Variants in SPIRE1 observed in about 807,000 individuals in gnomAD.
SPIRE1 encodes spire type actin nucleation factor 1.
In SPIRE1, 40 loss-of-function variants were observed where a neutral mutation model predicts 94.1. That is an observed-to-expected ratio of 0.43 (90% CI 0.33 to 0.55). SPIRE1 has a LOEUF of 0.55. SPIRE1 is among the 20% of genes least tolerant of loss of function. The pLI, the probability that SPIRE1 is intolerant of heterozygous loss-of-function variation, is 0.06. For missense variants in SPIRE1, 838 were observed against 975.2 expected (o/e 0.86, Z 1.87); for synonymous variants, 376 against 371.7 (o/e 1.01, Z -0.13).
At chr18:12,631,915 T>G (rs1485565833) in intron 2 of SPIRE1, among the ~76,000 whole-genome samples, 1 of 151,938 alleles carries the variant, frequency 6.6e-6, no homozygotes, top group Admixed American at 6.6e-5. Context: ...TGTGGTGACA[T>G]GCACCTGTAG....
chr18:12,487,021 G>A (rs1207433561), intron 8 of SPIRE1, among the ~76,000 whole-genome samples: 10 of 151,962 alleles, frequency 6.6e-5, no homozygotes, highest in African/African-American at 1.7e-4. Flanking sequence ...CCTGGCTACC[G>A]TTTGTATTTT....
intron 10 of SPIRE1, among the ~76,000 whole-genome samples, chr18:12,473,846 G>C (rs957035682): frequency 3.3e-5 from 5 of 152,224 alleles, no homozygotes; most frequent in African/African-American, 1.2e-4. Flanking sequence ...GCAATGTGTG[G>C]TAAGAAGTTT....
chr18:12,523,784 A>G (rs2034428417), intron 4 of SPIRE1, among the ~76,000 whole-genome samples: 1 of 152,190 alleles, frequency 6.6e-6, no homozygotes, highest in African/African-American at 2.4e-5. Context: ...CCCAGGCTCA[A>G]GCAATCCTCC....
At chr18:12,535,324 C>T in intron 4 of SPIRE1, 152 bp downstream of exon 4, 1 of 732,600 alleles carries the variant, frequency 1.4e-6, no homozygotes, top group Non-Finnish European at 2.1e-6. Context: ...TGCTTCTTTC[C>T]TAAATGACTT....
intron 2 of SPIRE1, among the ~76,000 whole-genome samples, chr18:12,610,332 C>A (rs1414039672): frequency 6.6e-6 from 1 of 152,086 alleles, no homozygotes; most frequent in African/African-American, 2.4e-5. Flanking sequence ...CAGCCTCCAC[C>A]TATCTTTCTA....
Position 12,449,292 on chromosome 18 carries a change from T to C in SPIRE1, c.*346A>G, listed in dbSNP as rs919926215. The C allele has an allele frequency of 1.8e-5, 5 of 280,138 alleles. No homozygotes were observed. The highest frequency in any genetic ancestry group is 8.9e-5 in the African/African-American group (4 of 44,922). The allele number at this position is 280,138 out of a possible 1,614,324, so 17.4% of individuals were successfully genotyped here. A position where few individuals can be genotyped will look rare whatever the true frequency, so the allele number is the denominator to read the frequency against. On this transcript the variant is annotated 3_prime_UTR_variant, in exon 17 of 17. Coordinates refer to ENST00000409402, the MANE Select transcript of SPIRE1 (RefSeq NM_001128626.2). ...GGCATCTCTGTTAGACTGATTCTCG[T>C]AGGAGAAGCTTTTTTTTTTTGCCTT...
At chr18:12,462,149 T>C (rs1033123964) in intron 12 of SPIRE1, among the ~76,000 whole-genome samples, 2 of 152,198 alleles carry the variant, frequency 1.3e-5, no homozygotes, top group Non-Finnish European at 2.9e-5. Context: ...GGAATCGCCA[T>C]AAAATCATTA....
chr18:12,649,665 A>G lies in SPIRE1; in HGVS notation c.337+7865T>C, dbSNP rs374430733. Reference sequence around the variant, plus strand: ...TATAACAAGCAGAGTGCAACTCATCATCTCTTATCAACATATAGTCCTTGG... The same window carrying G: ...TATAACAAGCAGAGTGCAACTCATCGTCTCTTATCAACATATAGTCCTTGG... On this transcript the variant is annotated intron_variant, in intron 1 of 16. Coordinates refer to ENST00000409402, the MANE Select transcript of SPIRE1 (RefSeq NM_001128626.2). Among the ~76,000 whole-genome samples the G allele has an allele frequency of 1.3e-4, 20 of 152,330 alleles. No individual in the cohort carries two copies. In the East Asian group the frequency reaches 2.5e-3, roughly 19 times the overall value.
In SPIRE1 at chr18:12,536,799, CTTTCTA is replaced by C. The variant is rs2034857598; in HGVS notation, c.604-1204_604-1199del. ...GTCCCATACACAGGAATAATTTTATCTTTCTATAAAATAATTTTGTATCCACGTACA... is the reference window on the plus strand; with the variant it reads ...GTCCCATACACAGGAATAATTTTATCTAAAATAATTTTGTATCCACGTACA... On this transcript the variant is annotated intron_variant, in intron 3 of 16. Coordinates refer to ENST00000409402, the MANE Select transcript of SPIRE1 (RefSeq NM_001128626.2). Among the ~76,000 whole-genome samples, 4 of 152,192 alleles carry C rather than the reference CTTTCTA, an allele frequency of 2.6e-5. No individual in the cohort carries two copies. In the South Asian group the frequency reaches 8.3e-4, roughly 31 times the overall value.
At chr18:12,450,852 G>A (rs2031200597) in intron 16 of SPIRE1, 2 of 735,674 alleles carry the variant, frequency 2.7e-6, no homozygotes, top group Non-Finnish European at 5.0e-6. Context: ...TTAAATGACA[G>A]TGAAAAGCAG....
chr18:12,449,699 T>C lies in SPIRE1; in HGVS notation c.2210A>G (p.Tyr737Cys), dbSNP rs781452811. The C allele has an allele frequency of 1.9e-6, 3 of 1,614,192 alleles. No homozygotes were observed. The highest frequency in any genetic ancestry group is 8.5e-7 in the Non-Finnish European group (1 of 1,180,040). Residue 737 changes from tyrosine (Y) to cysteine (C), a missense_variant, in exon 17 of 17, where the codon TAC (tyrosine) becomes TGC (cysteine). Transcript: ENST00000409402. ...CTCCGAGGGGCCTGGCGAGGACATG[T>C]AGAAAGACTGCGTTTTCCTTTTCAA... ...ARLKRKTQSFYMSSPGPSEYC... is the reference protein window; with the variant it reads ...ARLKRKTQSFCMSSPGPSEYC...
intron 2 of SPIRE1, among the ~76,000 whole-genome samples, chr18:12,618,725 AT>A (rs1470913802): frequency 4.6e-5 from 7 of 152,236 alleles, no homozygotes; most frequent in African/African-American, 7.2e-5. Flanking sequence ...ACACAAAAAA[AT>A]ATTTCCACTT....
At chr18:12,521,225 G>A (rs955965145) in intron 4 of SPIRE1, among the ~76,000 whole-genome samples, 6 of 151,974 alleles carry the variant, frequency 3.9e-5, no homozygotes, top group Admixed American at 6.6e-5. Context: ...AAGATAAACC[G>A]AGCTCAATAA....
intron 1 of SPIRE1, among the ~76,000 whole-genome samples, chr18:12,650,536 C>T (rs1381983815): frequency 6.6e-6 from 1 of 151,904 alleles, no homozygotes; most frequent in African/African-American, 2.4e-5. Context: ...TGGTGAAACC[C>T]CGTCTCTACT....
chr18:12,508,724 G>C (rs1416573163), intron 5 of SPIRE1, among the ~76,000 whole-genome samples: 1 of 151,382 alleles, frequency 6.6e-6, no homozygotes, highest in Admixed American at 6.6e-5. Context: ...CCCCATGTTG[G>C]AGTGCAATGG....
chr18:12,640,088 T>G (rs1423210782), intron 1 of SPIRE1, among the ~76,000 whole-genome samples: 2 of 152,222 alleles, frequency 1.3e-5, no homozygotes, highest in Admixed American at 1.3e-4. Flanking sequence ...ACCATGGGTC[T>G]GCTCAGAGAA....
At position 12,553,177 on chromosome 18, in the gene SPIRE1, C is replaced by T. The variant is rs140334610; in HGVS notation, c.373-6273G>A. Among the ~76,000 whole-genome samples the T allele has an allele frequency of 1.9e-3, 284 of 152,294 alleles. 1 individual carries two copies. Among genetic ancestry groups the T allele is most frequent in the African/African-American group, 6.5e-3 (271 of 41,550 alleles). Reference sequence around the variant, plus strand: ...GTGGTGGCTAAGGTGAAAGACTTCTCGTGCTTGAGTAAAGCAGAGGGAGAA... The same window carrying T: ...GTGGTGGCTAAGGTGAAAGACTTCTTGTGCTTGAGTAAAGCAGAGGGAGAA... On this transcript the variant is annotated intron_variant, in intron 2 of 16. Transcript: ENST00000409402.
In SPIRE1 at chr18:12,587,878, CTTT is replaced by C. The variant is rs1307836712; in HGVS notation, c.373-40977_373-40975del. On this transcript the variant is annotated intron_variant, in intron 2 of 16. Coordinates refer to ENST00000409402, the MANE Select transcript of SPIRE1 (RefSeq NM_001128626.2). ...TGCACCCAAAGTATCCATTTTAATA[CTTT>C]TTAATATACTCAGAGTTGTACATTC... 4.6e-5 allele frequency among the ~76,000 whole-genome samples: 7 copies of C among 152,158 alleles called. No homozygotes were observed. The South Asian group carries it at 1.2e-3, about 27-fold the overall frequency.
intron 2 of SPIRE1, among the ~76,000 whole-genome samples, chr18:12,612,929 AC>A (rs371665265): frequency 3.5e-4 from 54 of 152,194 alleles, no homozygotes; most frequent in African/African-American, 1.3e-3. Context: ...AAAATTGCAA[AC>A]CCACCATCAC....
Sources: gnomAD v4.1 joint callset for allele counts (sites outside exome capture counted in the v4.1 genomes callset) on GRCh38, gnomAD v4.1.1 for gene constraint, MANE v1.5 for transcripts, NCBI Gene and HGNC (gene_info 2026-07-23, HGNC 2026-07-21) for gene names.